The following KCTD18 variants were observed in gnomAD, a reference collection of about 807,000 sequenced individuals.
KCTD18 encodes BTB/POZ domain-containing protein KCTD18.
In KCTD18, 22 loss-of-function variants were observed where a neutral mutation model predicts 30.4. The observed-to-expected ratio is 0.72, with a 90% CI of 0.52 to 1.03. The LOEUF is 1.03. Ranked by LOEUF, KCTD18 falls within the 50% of genes least tolerant of loss-of-function variation. KCTD18 has a pLI of 0.00. For missense variants in KCTD18, 529 were observed against 547.6 expected (o/e 0.97, Z 0.34); for synonymous variants, 186 against 209.0 (o/e 0.89, Z 0.95).
chr2:200,502,227 T>C (rs906500598), intron 3 of KCTD18, among the ~76,000 whole-genome samples: 2 of 151,996 alleles, frequency 1.3e-5, no homozygotes, highest in Admixed American at 6.6e-5. Context: ...GCATGGTACA[T>C]GTATACATAT....
rs1257897278 is a variant in KCTD18 at position 200,509,874 on chromosome 2, C to A, written c.-322G>T. The A allele has an allele frequency of 6.6e-6, 1 of 152,116 alleles. No homozygotes were observed. Among genetic ancestry groups the A allele is most frequent in the East Asian group, 1.9e-4 (1 of 5,170 alleles). 9.4% of individuals were successfully genotyped at this position (152,116 alleles called of 1,614,324 possible). A position where few individuals can be genotyped will look rare whatever the true frequency, so the allele number is the denominator to read the frequency against. On this transcript the variant is annotated 5_prime_UTR_variant, in exon 1 of 7. Coordinates refer to ENST00000359878, the MANE Select transcript of KCTD18 (RefSeq NM_152387.4). ...ATCGGCCCGAAGCCCGAGCCTGCAGCCCGGGGCGCGCGCGTTACCAGCGCG... is the reference window on the plus strand; with the variant it reads ...ATCGGCCCGAAGCCCGAGCCTGCAGACCGGGGCGCGCGCGTTACCAGCGCG...
intron 3 of KCTD18, among the ~76,000 whole-genome samples, chr2:200,503,079 G>A (rs1283399344): frequency 6.6e-6 from 1 of 151,730 alleles, no homozygotes; most frequent in East Asian, 1.9e-4. Context: ...AGACCACAAG[G>A]TGCTCCAGGG....
intron 3 of KCTD18, among the ~76,000 whole-genome samples, chr2:200,500,944 T>C (rs1319694007): frequency 6.6e-6 from 1 of 151,472 alleles, no homozygotes; most frequent in Non-Finnish European, 1.5e-5. Flanking sequence ...GAGATATAGA[T>C]CAATGGAACA....
Position 200,500,765 on chromosome 2 carries a change from G to C in KCTD18, c.373-1681C>G, listed in dbSNP as rs2088071706. On this transcript the variant is annotated intron_variant, in intron 3 of 6. Transcript: ENST00000359878. ...CAAGCTACCAATGACTTTCTTCACA[G>C]AATTGGAAAAAACTACTTTAAAGTT... 2.0e-5 allele frequency among the ~76,000 whole-genome samples: 3 copies of C among 151,146 alleles called. No homozygotes were observed. In the South Asian group the frequency reaches 6.3e-4, roughly 32 times the overall value.
intron 3 of KCTD18, among the ~76,000 whole-genome samples, chr2:200,503,121 T>TGCAGG (rs973835753): frequency 1.1e-4 from 17 of 152,022 alleles, no homozygotes; most frequent in African/African-American, 3.6e-4. Flanking sequence ...CCAGTGAAGC[T>TGCAGG]GCCAGGGCCT....
chr2:200,495,637 G>A (rs1030465913), intron 5 of KCTD18, among the ~76,000 whole-genome samples: 1 of 151,848 alleles, frequency 6.6e-6, no homozygotes, highest in African/African-American at 2.4e-5. Context: ...ATATTTCATT[G>A]ATAAGGAATG....
chr2:200,500,928 A>T (rs2088074495), intron 3 of KCTD18, among the ~76,000 whole-genome samples: 1 of 152,030 alleles, frequency 6.6e-6, no homozygotes, highest in Non-Finnish European at 1.5e-5. Context: ...TACTGGTACC[A>T]AAACAGAGAT....
intron 3 of KCTD18, among the ~76,000 whole-genome samples, chr2:200,499,560 T>C (rs1375512807): frequency 2.0e-5 from 3 of 151,510 alleles, no homozygotes; most frequent in African/African-American, 7.3e-5. Context: ...ACACATACAC[T>C]CTCCCAAGAC....
intron 2 of KCTD18, 88 bp from the exon 3 acceptor site, chr2:200,505,047 C>T: frequency 1.1e-6 from 1 of 929,260 alleles, no homozygotes; most frequent in Non-Finnish European, 1.6e-6. Context: ...AGGACCTCTA[C>T]AATTATAAAT....
At chr2:200,497,992 G>A (rs1358715831) in intron 4 of KCTD18, 145 bp from the exon 5 acceptor site, 1 of 628,366 alleles carries the variant, frequency 1.6e-6, no homozygotes, top group Non-Finnish European at 2.8e-6. Flanking sequence ...TGATCCTTAA[G>A]TATACATATG....
At position 200,492,397 on chromosome 2, in the gene KCTD18, G is replaced by A. The variant is rs2087933102; in HGVS notation, c.764+775C>T. Among the ~76,000 whole-genome samples the A allele has an allele frequency of 1.3e-5, 2 of 152,150 alleles. 1 individual carries two copies. The highest frequency in any genetic ancestry group is 2.9e-5 in the Non-Finnish European group (2 of 68,034). On this transcript the variant is annotated intron_variant, in intron 6 of 6. Transcript: ENST00000359878. ...CACTGCTCTTGACTCAAATATATTT[G>A]CTAACTGTAGGCTCAAAAGGTAAAA...
intron 3 of KCTD18, among the ~76,000 whole-genome samples, chr2:200,500,774 A>G (rs1380401113): frequency 6.6e-6 from 1 of 151,708 alleles, no homozygotes; most frequent in African/African-American, 2.4e-5. Context: ...AGAATTGGAA[A>G]AAACTACTTT....
At chr2:200,501,135 C>T (rs1236214898) in intron 3 of KCTD18, among the ~76,000 whole-genome samples, 1 of 152,102 alleles carries the variant, frequency 6.6e-6, no homozygotes, top group African/African-American at 2.4e-5. Context: ...AAAATCAATT[C>T]AAGATGGATT....
chr2:200,489,943 C>A lies in KCTD18; in HGVS notation c.*157G>T. 1.4e-6 allele frequency: 1 copy of A among 718,970 alleles called. No homozygotes were observed. The highest frequency in any genetic ancestry group is 2.2e-6 in the Non-Finnish European group (1 of 462,658). The allele number at this position is 718,970 out of a possible 1,614,324, so 44.5% of individuals were successfully genotyped here. A position where few individuals can be genotyped will look rare whatever the true frequency, so the allele number is the denominator to read the frequency against. ...ATGGAGCCTTAACCATTGAAAGTCT[C>A]CCCTCCTCCATTCCTAGCTCACACA... On this transcript the variant is annotated 3_prime_UTR_variant, in exon 7 of 7. Coordinates refer to ENST00000359878, the MANE Select transcript of KCTD18 (RefSeq NM_152387.4).
At chr2:200,490,906 C>T (rs902867502) in intron 6 of KCTD18, among the ~76,000 whole-genome samples, 1 of 152,084 alleles carries the variant, frequency 6.6e-6, no homozygotes, top group Non-Finnish European at 1.5e-5. Flanking sequence ...TCACCCTGTT[C>T]CCAAGTATCA....
At chr2:200,501,951 G>A (rs1263352425) in intron 3 of KCTD18, among the ~76,000 whole-genome samples, 5 of 151,578 alleles carry the variant, frequency 3.3e-5, no homozygotes, top group South Asian at 2.1e-4. Context: ...GGAATACTAC[G>A]CAGCCATAAA....
In KCTD18 at chr2:200,504,749, T is replaced by C. The variant is rs1559186300; in HGVS notation, c.371A>G (p.Lys124Arg). The change falls in exon 3 of 7, where the codon AAG (lysine) becomes AGG (arginine). Residue 124 changes from lysine to arginine, a missense_variant and splice_region_variant. By Grantham distance (26) the Lys-to-Arg change is conservative. Transcript: ENST00000359878. Reference protein sequence around the residue: ...YSLRSNIELKKALTDFCDSYG... With the variant: ...YSLRSNIELKRALTDFCDSYG... ...AAAAACTTAAAAAAATGCCAAGACC[T>C]TTTTAAGTTCTATATTTGACCTTAA... 6.2e-7 allele frequency: 1 copy of C among 1,608,742 alleles called. No individual in the cohort carries two copies. The highest frequency in any genetic ancestry group is 8.5e-7 in the Non-Finnish European group (1 of 1,176,714).
chr2:200,500,996 C>A (rs1363005613), intron 3 of KCTD18, among the ~76,000 whole-genome samples: 3 of 151,510 alleles, frequency 2.0e-5, no homozygotes, highest in Non-Finnish European at 4.4e-5. Context: ...CTACAACTAT[C>A]TGATCTTTGA....
chr2:200,491,093 A>G (rs945504953), intron 6 of KCTD18, among the ~76,000 whole-genome samples: 1 of 152,134 alleles, frequency 6.6e-6, no homozygotes, highest in African/African-American at 2.4e-5. Context: ...GTGATCCCCA[A>G]TGTTGGAGGT....
Sources: allele counts gnomAD v4.1 joint callset (sites outside exome capture counted in the v4.1 genomes callset), GRCh38; gene constraint gnomAD v4.1.1; transcripts MANE v1.5; gene names NCBI Gene and HGNC (gene_info 2026-07-23, HGNC 2026-07-21).